The following SRRM2 variants were observed in gnomAD, a reference collection of about 807,000 sequenced individuals.
SRRM2 encodes the protein serine/arginine repetitive matrix protein 2.
In SRRM2, 30 loss-of-function variants were observed where a neutral mutation model predicts 213.8. That is an observed-to-expected ratio of 0.14 (90% confidence interval 0.10 to 0.19). The LOEUF (loss-of-function observed/expected upper bound fraction) is 0.19. Ranked by LOEUF, SRRM2 falls within the 10% of genes least tolerant of loss-of-function variation. SRRM2 has a pLI of 1.00. For synonymous variants in SRRM2, 2,025 were observed against 1,377.7 expected, an observed-to-expected ratio of 1.47 and a Z score of -10.40; for missense variants, 4,904 against 3,647.0, an observed-to-expected ratio of 1.34 and a Z score of -8.88.
Position 2,770,389 on chromosome 16 carries a change from G to T in SRRM2, c.8059G>T (p.Asp2687Tyr). 2 of 1,608,938 alleles carry T rather than the reference G, an allele frequency of 1.2e-6. No individual in the cohort carries two copies. Among genetic ancestry groups the T allele is most frequent in the Non-Finnish European group, 1.7e-6 (2 of 1,177,768 alleles). ...CCGGAAGCCAATAGACTCCCTCAGG[G>T]ACTCTCGGTCCCTCAGCTACTCGCC... Reference protein sequence around the residue: ...SPRKPIDSLRDSRSLSYSPVE... With the variant: ...SPRKPIDSLRYSRSLSYSPVE... Residue 2687 changes from aspartate to tyrosine, a missense_variant, in exon 13 of 15, where the codon GAC becomes TAC. Physicochemically the swap from Asp to Tyr is radical, Grantham distance 160 (BLOSUM62 -3). Coordinates refer to ENST00000301740, the MANE Select transcript of SRRM2 (RefSeq NM_016333.4).
intron 1 of SRRM2, among the ~76,000 whole-genome samples, chr16:2,753,132 G>A (rs1052595197): frequency 6.6e-6 from 1 of 151,248 alleles, no homozygotes; most frequent in Non-Finnish European, 1.5e-5. Flanking sequence ...GCGCGCCTCG[G>A]CTTCACTCCT....
intron 1 of SRRM2, chr16:2,753,641 T>G (rs1181744742): frequency 5.3e-5 from 8 of 152,188 alleles, no homozygotes; most frequent in Non-Finnish European, 1.0e-4. Context: ...TATATAAGTT[T>G]TCTGGTTGGT....
rs370363625 is a variant in SRRM2, at chr16:2,761,755, C to T, written c.1227C>T (p.Pro409=). 41 of 1,612,880 alleles carry T rather than the reference C, an allele frequency of 2.5e-5. No individual in the cohort carries two copies. The highest frequency in any genetic ancestry group is 3.3e-5 in the Admixed American group (2 of 59,886). The change falls in exon 11 of 15, where the codon CCC becomes CCT. Residue 409 remains proline, a synonymous_variant. Transcript: ENST00000301740. ...PTRDRSPPKS[P]EKLPQSSSSE... ...GGGACCGTTCACCACCTAAGTCTCC[C>T]GAGAAACTTCCCCAGTCTTCTTCCT...
rs944361630 is a variant in SRRM2 at position 2,764,928 on chromosome 16, A to G, written c.4400A>G (p.Lys1467Arg). 3.1e-6 allele frequency: 5 copies of G among 1,614,022 alleles called. No homozygotes were observed. The African/African-American group carries it at 6.7e-5, about 22-fold the overall frequency. Residue 1467 changes from lysine (K) to arginine (R), a missense_variant, in exon 11 of 15, where the codon AAA becomes AGA. Lys to Arg is a conservative substitution (Grantham distance 26, BLOSUM62 2). Coordinates refer to ENST00000301740, the MANE Select transcript of SRRM2 (RefSeq NM_016333.4). ...HSLSGSSPGM[K>R]DIPRTPSRGR... ...CTGTCTGGGTCCTCTCCTGGAATGA[A>G]AGATATACCTAGAACGCCATCTAGA...
In SRRM2 at chr16:2,756,326, C is replaced by A. The variant is rs1596261007; in HGVS notation, c.-31-8C>A. ...GGGCCTGACCCGTGTCTCCCCGCTCCCCCTCAGGAGCGGTGGTGCCCCCCC... is the reference window on the plus strand; with the variant it reads ...GGGCCTGACCCGTGTCTCCCCGCTCACCCTCAGGAGCGGTGGTGCCCCCCC... On this transcript the variant is annotated splice_polypyrimidine_tract_variant and splice_region_variant and intron_variant, in intron 1 of 14. Coordinates refer to ENST00000301740, the MANE Select transcript of SRRM2 (RefSeq NM_016333.4). 6.4e-7 allele frequency: 1 copy of A among 1,553,448 alleles called. No homozygotes were observed. Among genetic ancestry groups the A allele is most frequent in the East Asian group, 2.3e-5 (1 of 43,126 alleles).
chr16:2,757,728 ATATGGCTCTGTCCTT>A, intron 3 of SRRM2, 38 bp from the exon 4 acceptor site: 3 of 1,602,282 alleles, frequency 1.9e-6, no homozygotes, highest in Non-Finnish European at 2.6e-6. Flanking sequence ...TGTGTTCTGA[ATATGGCTCTGTCCTT>A]TATATTTCCT....
chr16:2,761,534 T>C, intron 10 of SRRM2, 27 bp from the exon 11 acceptor site: 1 of 1,472,578 alleles, frequency 6.8e-7, no homozygotes, highest in South Asian at 1.5e-5. Flanking sequence ...TATGAATCCC[T>C]ATCCCTGCTC....
chr16:2,754,363 G>A (rs2068066168), intron 1 of SRRM2, among the ~76,000 whole-genome samples: 1 of 151,908 alleles, frequency 6.6e-6, no homozygotes, highest in Non-Finnish European at 1.5e-5. Context: ...CGCGATCTCG[G>A]CTCACTGCAA....
At chr16:2,753,036 A>ACCC (rs5815132) in intron 1 of SRRM2, among the ~76,000 whole-genome samples, 190 bp downstream of exon 1, 3,161 of 138,312 alleles carry the variant, frequency 0.023, 120 homozygotes, top group South Asian at 0.033. Context: ...CGCGGGCTTC[A>ACCC]CCCCCCCCCG....
At chr16:2,769,414 A>G (rs1263080910) in intron 12 of SRRM2, 130 bp downstream of exon 12, 3 of 1,053,860 alleles carry the variant, frequency 2.8e-6, no homozygotes, top group Non-Finnish European at 4.1e-6. Context: ...GGGAGGAGGC[A>G]CTTGCTCTCC....
At position 2,757,789 on chromosome 16, in the gene SRRM2, A is replaced by G. The variant is rs2068199601; in HGVS notation, c.359A>G (p.Glu120Gly). Reference protein sequence around the residue: ...ETPGQRPAVTETHQLAELNEK... With the variant: ...ETPGQRPAVTGTHQLAELNEK... ...GCCCTTCTTTTCTCTAGGGTCACGGAGACTCACCAGTTGGCAGAATTAAAT... is the reference window on the plus strand; with the variant it reads ...GCCCTTCTTTTCTCTAGGGTCACGGGGACTCACCAGTTGGCAGAATTAAAT... Residue 120 changes from glutamate to glycine, a missense_variant, in exon 4 of 15, where the codon GAG becomes GGG. Coordinates refer to ENST00000301740, the MANE Select transcript of SRRM2 (RefSeq NM_016333.4). The G allele has an allele frequency of 6.2e-7, 1 of 1,613,910 alleles. No homozygotes were observed. Among genetic ancestry groups the G allele is most frequent in the Non-Finnish European group, 8.5e-7 (1 of 1,179,960 alleles).
At position 2,764,990 on chromosome 16, in the gene SRRM2, G is replaced by A; in HGVS notation, c.4462G>A (p.Ala1488Thr). ...SECDSSPEPK[A>T]LPQTPRPRSR... ...ATGTGATTCTTCCCCAGAACCGAAA[G>A]CTTTGCCTCAGACTCCTAGGCCGAG... Residue 1488 changes from alanine (A) to threonine (T), a missense_variant, in exon 11 of 15, where the codon GCT becomes ACT. By Grantham distance (58) the Ala-to-Thr change is moderately conservative. Coordinates refer to ENST00000301740, the MANE Select transcript of SRRM2 (RefSeq NM_016333.4). 1.2e-6 allele frequency: 2 copies of A among 1,614,052 alleles called. No homozygotes were observed. Among genetic ancestry groups the A allele is most frequent in the Non-Finnish European group, 1.7e-6 (2 of 1,180,028 alleles).
In SRRM2 at chr16:2,760,413, A is replaced by G. The variant is rs143344569; in HGVS notation, c.946A>G (p.Thr316Ala). Reference sequence around the variant, plus strand: ...TGCGCCTTTCAGTGAACCAGGTACTACCAGCACACAACGGCCTAGTAGCCC... The same window carrying G: ...TGCGCCTTTCAGTGAACCAGGTACTGCCAGCACACAACGGCCTAGTAGCCC... ...GDAPFSEPGTTSTQRPSSPET... is the reference protein window; with the variant it reads ...GDAPFSEPGTASTQRPSSPET... Residue 316 changes from threonine (T) to alanine (A), a missense_variant, in exon 10 of 15, where the codon ACC (threonine) becomes GCC (alanine). Transcript: ENST00000301740. 1.2e-5 allele frequency: 20 copies of G among 1,614,144 alleles called. No homozygotes were observed. Among genetic ancestry groups the G allele is most frequent in the Non-Finnish European group, 1.6e-5 (19 of 1,180,018 alleles).
chr16:2,763,674 A>C lies in SRRM2; in HGVS notation c.3146A>C (p.Tyr1049Ser). The part of the protein sequence containing the change: ...VKSSTPPGES[Y>S]FGVSSLQLKG... ...TCTAGCACACCACCAGGCGAGAGCT[A>C]TTTTGGTGTCTCATCTCTGCAACTG... The change falls in exon 11 of 15, where the codon TAT becomes TCT. Residue 1049 changes from tyrosine (Y) to serine (S), a missense_variant. Tyr to Ser is a moderately radical substitution (Grantham distance 144, BLOSUM62 -2). Transcript: ENST00000301740. 6.2e-7 allele frequency: 1 copy of C among 1,614,192 alleles called. No homozygotes were observed. Among genetic ancestry groups the C allele is most frequent in the Admixed American group, 1.7e-5 (1 of 60,022 alleles).
In SRRM2 at chr16:2,770,369, A is replaced by G. The variant is rs1186727077; in HGVS notation, c.8039A>G (p.Lys2680Arg). Residue 2680 changes from lysine to arginine, a missense_variant, in exon 13 of 15, where the codon AAG (lysine) becomes AGG (arginine). Coordinates refer to ENST00000301740, the MANE Select transcript of SRRM2 (RefSeq NM_016333.4). ...TTCCCCAGGTCCCGCAGCCCCCGGA[A>G]GCCAATAGACTCCCTCAGGGACTCT... Reference protein sequence around the residue: ...PGERRSRSPRKPIDSLRDSRS... With the variant: ...PGERRSRSPRRPIDSLRDSRS... 5.0e-6 allele frequency: 8 copies of G among 1,605,320 alleles called. No homozygotes were observed. Among genetic ancestry groups the G allele is most frequent in the Non-Finnish European group, 6.8e-6 (8 of 1,176,022 alleles).
Position 2,766,881 on chromosome 16 carries a change from G to A in SRRM2, c.6353G>A (p.Ser2118Asn), listed in dbSNP as rs1157953322. Residue 2118 changes from serine (S) to asparagine (N), a missense_variant, in exon 11 of 15, where the codon AGT becomes AAT. Transcript: ENST00000301740. The surrounding 1 kb of genome is among the most constrained non-coding windows in gnomAD (Gnocchi z 7.0). ...AACAGTTCCAGAATGAGCTGCTTCA[G>A]TCGTCCTAGCATGTCCCCAACACCT... Reference protein sequence around the residue: ...ALNSSRMSCFSRPSMSPTPLD... With the variant: ...ALNSSRMSCFNRPSMSPTPLD... The A allele has an allele frequency of 6.2e-7, 1 of 1,613,976 alleles. No individual in the cohort carries two copies. Among genetic ancestry groups the A allele is most frequent in the Admixed American group, 1.7e-5 (1 of 59,996 alleles).
Position 2,764,794 on chromosome 16 carries a change from A to G in SRRM2, c.4266A>G (p.Ala1422=). ...RTPSRERSSS[A]SSPEMKDGLP... ...CCTCGAGAGAAAGAAGTAGTTCTGCATCTTCTCCTGAAATGAAAGATGGTT... is the reference window on the plus strand; with the variant it reads ...CCTCGAGAGAAAGAAGTAGTTCTGCGTCTTCTCCTGAAATGAAAGATGGTT... The change falls in exon 11 of 15, where the codon GCA becomes GCG. Residue 1422 remains alanine (A), a synonymous_variant. Coordinates refer to ENST00000301740, the MANE Select transcript of SRRM2 (RefSeq NM_016333.4). The G allele has an allele frequency of 1.9e-6, 3 of 1,614,232 alleles. No homozygotes were observed. The highest frequency in any genetic ancestry group is 1.7e-5 in the Admixed American group (1 of 60,030).
chr16:2,762,606 G>A lies in SRRM2; in HGVS notation c.2078G>A (p.Arg693Gln), dbSNP rs767071150. The A allele has an allele frequency of 1.3e-5, 21 of 1,614,044 alleles. No homozygotes were observed. In the East Asian group the frequency reaches 2.7e-4, roughly 21 times the overall value. The change falls in exon 11 of 15, where the codon CGG (arginine) becomes CAG (glutamine). Residue 693 changes from arginine (R) to glutamine (Q), a missense_variant. Arg to Gln is a conservative substitution (Grantham distance 43). Coordinates refer to ENST00000301740, the MANE Select transcript of SRRM2 (RefSeq NM_016333.4). Reference protein sequence around the residue: ...SRTPARRGRSRSRTPRRGRSR... With the variant: ...SRTPARRGRSQSRTPRRGRSR... ...ACACCAGCCAGGAGAGGGAGGTCTC[G>A]GTCTAGGACACCAAGACGAGGAAGA...
At chr16:2,754,193 GGTC>G (rs911222092) in intron 1 of SRRM2, among the ~76,000 whole-genome samples, 2 of 152,076 alleles carry the variant, frequency 1.3e-5, no homozygotes, top group Admixed American at 6.5e-5. Flanking sequence ...GATGCCGTGG[GGTC>G]GTCGTCTTTT....
Sources: gnomAD v4.1 joint callset for allele counts (sites outside exome capture counted in the v4.1 genomes callset) on GRCh38, gnomAD v4.1.1 for gene constraint, Gnocchi (gnomAD v3.1) non-coding constraint, MANE v1.5 for transcripts, NCBI Gene and HGNC (gene_info 2026-07-23, HGNC 2026-07-21) for gene names.